Variants in ST7 observed in about 807,000 individuals in gnomAD.
The protein encoded by ST7 is suppression of tumorigenicity 7.
ST7 carries 28 observed loss-of-function variants against 78.7 expected under a neutral mutation model. The observed-to-expected ratio is 0.36, with a 90% CI of 0.26 to 0.49. The LOEUF (loss-of-function observed/expected upper bound fraction) is 0.49. Ranked by LOEUF, ST7 falls within the 20% of genes least tolerant of loss-of-function variation. ST7 has a pLI of 0.99. For missense variants in ST7, 418 were observed against 696.0 expected (o/e 0.60, Z 4.49); for synonymous variants, 247 against 249.6 (o/e 0.99, Z 0.10).
chr7:117,071,120 G>T (rs1453921975), intron 1 of ST7, among the ~76,000 whole-genome samples: 1 of 152,060 alleles, frequency 6.6e-6, no homozygotes, highest in African/African-American at 2.4e-5. Flanking sequence ...TCGGGAGGCT[G>T]AGACAGGAGA....
intron 1 of ST7, among the ~76,000 whole-genome samples, chr7:116,969,056 T>G (rs1248366343): frequency 6.6e-6 from 1 of 152,262 alleles, no homozygotes; most frequent in East Asian, 1.9e-4. Flanking sequence ...TTGTTAACAT[T>G]TCGCCACAAG....
At chr7:117,229,260 GC>G (rs1355416801) in intron 15 of ST7, among the ~76,000 whole-genome samples, 1 of 152,198 alleles carries the variant, frequency 6.6e-6, no homozygotes, top group East Asian at 1.9e-4. Flanking sequence ...TCAGAAAGGA[GC>G]CCACGCTGGT....
intron 1 of ST7, among the ~76,000 whole-genome samples, chr7:116,982,672 A>C (rs949375325): frequency 2.7e-4 from 41 of 152,226 alleles, no homozygotes; most frequent in African/African-American, 9.4e-4. Flanking sequence ...TTACTTTCTA[A>C]GATGTCCCAG....
At chr7:117,052,755 G>A (rs990417531) in intron 1 of ST7, among the ~76,000 whole-genome samples, 2 of 152,184 alleles carry the variant, frequency 1.3e-5, no homozygotes, top group Admixed American at 6.5e-5. Flanking sequence ...TTAGCTGGGC[G>A]TGGTGGCGGG....
intron 9 of ST7, among the ~76,000 whole-genome samples, chr7:117,139,906 C>G (rs1486701222): frequency 6.6e-6 from 1 of 152,180 alleles, no homozygotes; most frequent in Non-Finnish European, 1.5e-5. Flanking sequence ...CACTTTGGCT[C>G]TGAAGGAGCT....
chr7:117,153,052 T>C (rs1242830633), intron 9 of ST7, among the ~76,000 whole-genome samples: 1 of 152,034 alleles, frequency 6.6e-6, no homozygotes, highest in African/African-American at 2.4e-5. Context: ...ATTTAAGAGG[T>C]AGAGTTGAGA....
In ST7 at chr7:117,081,544, A is replaced by C. The variant is rs142004089; in HGVS notation, c.152-18218A>C. Among the ~76,000 whole-genome samples the C allele has an allele frequency of 2.8e-3, 431 of 152,282 alleles. 3 individuals are homozygous for C. Among genetic ancestry groups the C allele is most frequent in the African/African-American group, 9.7e-3 (405 of 41,548 alleles). ...TAATCATTTCATTCATCTTTTTACT[A>C]TCATAGTTTATCTGAGACATAATGA... On this transcript the variant is annotated intron_variant, in intron 1 of 15. Transcript: ENST00000323984.
chr7:117,033,064 C>T (rs368933944), intron 1 of ST7, among the ~76,000 whole-genome samples: 2 of 152,288 alleles, frequency 1.3e-5, no homozygotes, highest in East Asian at 1.9e-4. Flanking sequence ...ATATTAACCT[C>T]ATGGGATTGT....
At chr7:117,151,475 A>T (rs1442727436) in intron 9 of ST7, among the ~76,000 whole-genome samples, 1 of 152,232 alleles carries the variant, frequency 6.6e-6, no homozygotes, top group Non-Finnish European at 1.5e-5. Flanking sequence ...ATAGCACTTT[A>T]GAGTGGACCT....
intron 10 of ST7, among the ~76,000 whole-genome samples, chr7:117,188,417 G>A (rs558079166): frequency 2.4e-4 from 36 of 152,324 alleles, no homozygotes; most frequent in Non-Finnish European, 5.0e-4. Flanking sequence ...CTGTGTCATA[G>A]TGTAAATTTG....
At chr7:117,178,252 G>C (rs1358156676) in intron 10 of ST7, among the ~76,000 whole-genome samples, 3 of 152,124 alleles carry the variant, frequency 2.0e-5, no homozygotes, top group Non-Finnish European at 4.4e-5. Flanking sequence ...GAACTTTTAG[G>C]TGCTTTAGAT....
chr7:117,154,164 G>A (rs1257098233), intron 9 of ST7, among the ~76,000 whole-genome samples: 2 of 152,146 alleles, frequency 1.3e-5, no homozygotes, highest in Non-Finnish European at 2.9e-5. Context: ...GAGCTAATTA[G>A]GTCATGAGGG....
At chr7:117,210,052 G>A in intron 13 of ST7, 115 bp downstream of exon 13, 1 of 1,262,980 alleles carries the variant, frequency 7.9e-7, no homozygotes, top group Non-Finnish European at 1.1e-6. Context: ...CTTGTGTTCT[G>A]TGATGGCCCA....
chr7:117,050,668 C>T (rs371939383), intron 1 of ST7, among the ~76,000 whole-genome samples: 3 of 152,286 alleles, frequency 2.0e-5, no homozygotes, highest in African/African-American at 4.8e-5. Flanking sequence ...CGGTGGCTCA[C>T]GCCTGTGATA....
At chr7:117,113,074 T>C (rs1469837786) in intron 2 of ST7, among the ~76,000 whole-genome samples, 1 of 152,254 alleles carries the variant, frequency 6.6e-6, no homozygotes, top group Admixed American at 6.5e-5. Context: ...GGGACAAAAC[T>C]GCCATTTTGG....
chr7:117,097,930 A>G (rs1390764814), intron 1 of ST7, among the ~76,000 whole-genome samples: 1 of 21,660 alleles, frequency 4.6e-5, no homozygotes, highest in African/African-American at 1.7e-4. Flanking sequence ...TTTTTTTTTG[A>G]TGGCCAGGCA....
At chr7:117,084,805 T>C (rs2116638786) in intron 1 of ST7, among the ~76,000 whole-genome samples, 1 of 152,318 alleles carries the variant, frequency 6.6e-6, no homozygotes, top group Admixed American at 6.5e-5. Context: ...TTACAAATTG[T>C]GATTATATAA....
At chr7:117,114,092 A>T (rs1481243993) in intron 2 of ST7, among the ~76,000 whole-genome samples, 2 of 152,146 alleles carry the variant, frequency 1.3e-5, no homozygotes, top group African/African-American at 4.8e-5. Flanking sequence ...GCAGAGTGCC[A>T]GTTTACATAG....
At position 117,150,654 on chromosome 7, in the gene ST7, C is replaced by G. The variant is rs139377343; in HGVS notation, c.963+12122C>G. ...GCCTCCATTCTTCCCTGTGACACTCCCTTTCCAGCCGTCTCACTTGGCCAT... is the reference window on the plus strand; with the variant it reads ...GCCTCCATTCTTCCCTGTGACACTCGCTTTCCAGCCGTCTCACTTGGCCAT... On this transcript the variant is annotated intron_variant, in intron 9 of 15. Coordinates refer to ENST00000323984, the MANE Select transcript of ST7 (RefSeq NM_001369598.1). Among the ~76,000 whole-genome samples the G allele has an allele frequency of 1.8e-3, 267 of 152,294 alleles. 2 individuals carry two copies. The highest frequency in any genetic ancestry group is 6.1e-3 in the African/African-American group (252 of 41,562).
Sources: allele counts gnomAD v4.1 joint callset (sites outside exome capture counted in the v4.1 genomes callset), GRCh38; gene constraint gnomAD v4.1.1; transcripts MANE v1.5; gene names NCBI Gene and HGNC (gene_info 2026-07-23, HGNC 2026-07-21).